GRM7: variants seen among roughly 807,000 people sequenced by gnomAD.
GRM7 encodes metabotropic glutamate receptor 7.
A neutral mutation model predicts 84.5 loss-of-function variants in GRM7; 35 were observed. The observed-to-expected ratio is 0.41, with a 90% confidence interval of 0.32 to 0.55. GRM7 has a LOEUF of 0.55. Among genes scored for constraint, GRM7 ranks in the 20% least tolerant of loss-of-function variants. The pLI is 0.19. For synonymous variants in GRM7, 487 were observed against 455.1 expected, an observed-to-expected ratio of 1.07 and a Z score of -0.89; for missense variants, 1,003 against 1,194.6, an observed-to-expected ratio of 0.84 and a Z score of 2.36.
intron 9 of GRM7, among the ~76,000 whole-genome samples, chr3:7,698,335 C>T: frequency 6.6e-6 from 1 of 152,298 alleles, no homozygotes; most frequent in South Asian, 2.1e-4. Flanking sequence ...TCTTCCCATG[C>T]ACCAGCCACT....
rs75159048 is a variant in GRM7 at position 7,606,062 on chromosome 3, C to T, written c.2451+26705C>T. ...ACCAAGACTCTGACAAATAGAAACACGTTATGTGCAGTGAAGACAGTGACA... is the reference window on the plus strand; with the variant it reads ...ACCAAGACTCTGACAAATAGAAACATGTTATGTGCAGTGAAGACAGTGACA... On this transcript the variant is annotated intron_variant, in intron 8 of 9. Transcript: ENST00000357716. 1.5e-3 allele frequency among the ~76,000 whole-genome samples: 229 copies of T among 152,266 alleles called. 1 individual carries two copies. Among genetic ancestry groups the T allele is most frequent in the African/African-American group, 5.3e-3 (220 of 41,550 alleles).
intron 1 of GRM7, among the ~76,000 whole-genome samples, chr3:6,958,957 C>G (rs188073526): frequency 2.7e-4 from 41 of 152,258 alleles, no homozygotes; most frequent in Non-Finnish European, 1.5e-5. Context: ...AATTATAACT[C>G]AAAACCCATA....
intron 4 of GRM7, among the ~76,000 whole-genome samples, chr3:7,329,325 A>G (rs574578964): frequency 1.8e-4 from 27 of 152,276 alleles, no homozygotes; most frequent in African/African-American, 6.3e-4. Context: ...GGTCCTTTCA[A>G]CCGTGCCTCG....
chr3:7,046,792 A>G (rs1308867063), intron 1 of GRM7, among the ~76,000 whole-genome samples: 1 of 152,052 alleles, frequency 6.6e-6, no homozygotes. Context: ...TGGAAAAGAG[A>G]ATGTCACATG....
intron 4 of GRM7, among the ~76,000 whole-genome samples, chr3:7,314,803 A>G (rs1700525256): frequency 6.6e-6 from 1 of 152,062 alleles, no homozygotes; most frequent in African/African-American, 2.4e-5. Context: ...CCCTTTGAAT[A>G]AGCCATATCT....
At chr3:7,573,199 C>CT (rs573765765) in intron 7 of GRM7, among the ~76,000 whole-genome samples, 8 of 151,098 alleles carry the variant, frequency 5.3e-5, no homozygotes, top group East Asian at 2.0e-4. Flanking sequence ...CCTAAAAAGC[C>CT]TTTTTTTTCT....
At chr3:7,375,518 C>T (rs749238685) in intron 4 of GRM7, among the ~76,000 whole-genome samples, 3 of 151,942 alleles carry the variant, frequency 2.0e-5, no homozygotes, top group African/African-American at 7.2e-5. Flanking sequence ...GTGCCCGGCC[C>T]CCTTCTTTAC....
chr3:7,136,117 A>G (rs568352670), intron 1 of GRM7, among the ~76,000 whole-genome samples: 2 of 152,168 alleles, frequency 1.3e-5, no homozygotes, highest in African/African-American at 4.8e-5. Context: ...TACATGCATA[A>G]TATTTCTTTT....
At chr3:6,981,066 G>C (rs573719608) in intron 1 of GRM7, among the ~76,000 whole-genome samples, 1 of 152,150 alleles carries the variant, frequency 6.6e-6, no homozygotes, top group Admixed American at 6.5e-5. Context: ...CAAGGGTTCT[G>C]CCAAGAATTT....
chr3:7,312,512 C>A (rs1700436139), intron 4 of GRM7, among the ~76,000 whole-genome samples: 1 of 152,178 alleles, frequency 6.6e-6, no homozygotes, highest in Non-Finnish European at 1.5e-5. Flanking sequence ...TTTATTCCTG[C>A]AGACTGTAGC....
Position 7,431,699 on chromosome 3 carries a change from G to C in GRM7, c.1174+16536G>C, listed in dbSNP as rs549250779. ...ATTGGATGGTTATTTCATTAAGTGAGATAATGAATGTAACGTGGTGAGGAC... is the reference window on the plus strand; with the variant it reads ...ATTGGATGGTTATTTCATTAAGTGACATAATGAATGTAACGTGGTGAGGAC... On this transcript the variant is annotated intron_variant, in intron 5 of 9. Coordinates refer to ENST00000357716, the MANE Select transcript of GRM7 (RefSeq NM_000844.4). 4.6e-5 allele frequency among the ~76,000 whole-genome samples: 7 copies of C among 152,292 alleles called. No individual in the cohort carries two copies. In the South Asian group the frequency reaches 1.5e-3, roughly 32 times the overall value.
At chr3:6,951,577 A>T (rs763610859) in intron 1 of GRM7, among the ~76,000 whole-genome samples, 80 of 152,158 alleles carry the variant, frequency 5.3e-4, no homozygotes, top group Non-Finnish European at 2.6e-4. Context: ...TTAGTTTACA[A>T]GTATTTGGGA....
chr3:7,204,221 C>A (rs2133440), intron 2 of GRM7, among the ~76,000 whole-genome samples: 40,727 of 152,020 alleles, frequency 0.27, 6,649 homozygotes, highest in Non-Finnish European at 0.38. Flanking sequence ...GACAGAAAGA[C>A]AATGGTTGTG....
chr3:7,409,255 A>G (rs1274632240), intron 4 of GRM7, among the ~76,000 whole-genome samples: 1 of 152,158 alleles, frequency 6.6e-6, no homozygotes, highest in Non-Finnish European at 1.5e-5. Flanking sequence ...ATGAACTTTA[A>G]AAGCAACTTG....
At chr3:7,638,053 A>G (rs1698183353) in intron 8 of GRM7, among the ~76,000 whole-genome samples, 1 of 152,220 alleles carries the variant, frequency 6.6e-6, no homozygotes, top group Admixed American at 6.5e-5. Flanking sequence ...GAGACACCAG[A>G]TAAGAATCCA....
intron 2 of GRM7, among the ~76,000 whole-genome samples, chr3:7,298,139 G>A (rs1345165530): frequency 6.6e-6 from 1 of 152,074 alleles, no homozygotes. Context: ...TTGTCAATAA[G>A]TGTTTGTTGC....
intron 9 of GRM7, among the ~76,000 whole-genome samples, chr3:7,718,204 G>A (rs1701831855): frequency 6.6e-6 from 1 of 152,202 alleles, no homozygotes; most frequent in Non-Finnish European, 1.5e-5. Context: ...TTAGTACCAT[G>A]TCTGAGCATA....
At chr3:6,916,012 G>A (rs1696927947) in intron 1 of GRM7, among the ~76,000 whole-genome samples, 1 of 152,182 alleles carries the variant, frequency 6.6e-6, no homozygotes, top group East Asian at 1.9e-4. Context: ...AATTCTGGGA[G>A]TAGACTCAGA....
chr3:6,910,114 GCAT>G (rs945515705), intron 1 of GRM7, among the ~76,000 whole-genome samples: 1 of 152,026 alleles, frequency 6.6e-6, no homozygotes, highest in Admixed American at 6.6e-5. Flanking sequence ...TTAAAAACTG[GCAT>G]CATCATCAAT....
Sources: allele counts gnomAD v4.1 joint callset (sites outside exome capture counted in the v4.1 genomes callset), GRCh38; gene constraint gnomAD v4.1.1; transcripts MANE v1.5; gene names NCBI Gene and HGNC (gene_info 2026-07-23, HGNC 2026-07-21).